The following ADGRL3 variants were observed in gnomAD, a reference collection of about 807,000 sequenced individuals.
ADGRL3 encodes the protein calcium-independent alpha-latrotoxin receptor 3.
Under a neutral mutation model 153.5 loss-of-function variants are expected in ADGRL3, and 62 were observed. That is an observed-to-expected ratio of 0.40 (90% confidence interval 0.33 to 0.50). The LOEUF (loss-of-function observed/expected upper bound fraction) is 0.50, where lower values mean the gene tolerates loss of function less well. ADGRL3 is among the 20% of genes least tolerant of loss of function. The pLI is 0.47. For synonymous variants in ADGRL3, 710 were observed against 672.5 expected, an observed-to-expected ratio of 1.06 and a Z score of -0.86; for missense variants, 1,641 against 1,859.4, an observed-to-expected ratio of 0.88 and a Z score of 2.16.
chr4:61,664,626 G>A (rs1379226382), intron 5 of ADGRL3, among the ~76,000 whole-genome samples: 12 of 151,958 alleles, frequency 7.9e-5, no homozygotes, highest in Non-Finnish European at 1.8e-4. Flanking sequence ...ACATAGTGGG[G>A]ATTCATTTTA....
At chr4:61,953,396 C>G (rs141922650) in intron 17 of ADGRL3, among the ~76,000 whole-genome samples, 1 of 152,196 alleles carries the variant, frequency 6.6e-6, no homozygotes, top group Non-Finnish European at 1.5e-5. Context: ...TCCCAATGCA[C>G]TGAATTGCTT....
intron 4 of ADGRL3, among the ~76,000 whole-genome samples, chr4:61,541,346 ATTTTTTTTTT>A (rs3075146): frequency 9.7e-6 from 1 of 103,338 alleles, no homozygotes; most frequent in Non-Finnish European, 1.8e-5. Flanking sequence ...TCTGGTAGAG[ATTTTTTTTTT>A]TTTTTTTTTT....
chr4:61,432,655 T>TTTCTTTCTC (rs1553928415), intron 2 of ADGRL3, among the ~76,000 whole-genome samples: 4 of 58,744 alleles, frequency 6.8e-5, no homozygotes, highest in Non-Finnish European at 1.4e-4. Flanking sequence ...TCTTTCTTTC[T>TTTCTTTCTC]TTTTTTTTTT....
chr4:61,749,174 C>A (rs1485914270), intron 8 of ADGRL3, among the ~76,000 whole-genome samples: 1 of 152,010 alleles, frequency 6.6e-6, no homozygotes, highest in African/African-American at 2.4e-5. Flanking sequence ...CATCTCACAC[C>A]AGTTAGAATG....
At chr4:61,935,455 A>T (rs2098834563) in intron 14 of ADGRL3, among the ~76,000 whole-genome samples, 1 of 152,142 alleles carries the variant, frequency 6.6e-6, no homozygotes, top group African/African-American at 2.4e-5. Context: ...TAATCTTGTT[A>T]TTTGGCTTAT....
At chr4:61,744,896 T>C (rs1303415750) in intron 8 of ADGRL3, among the ~76,000 whole-genome samples, 1 of 152,096 alleles carries the variant, frequency 6.6e-6, no homozygotes, top group East Asian at 1.9e-4. Flanking sequence ...AGAAGAAGCC[T>C]TCAGACGATC....
At position 62,010,051 on chromosome 4, in the gene ADGRL3, C is replaced by G. The variant is rs144062409; in HGVS notation, c.3395+11786C>G. Among the ~76,000 whole-genome samples, 344 of 152,170 alleles carry G rather than the reference C, an allele frequency of 2.3e-3. 3 individuals are homozygous for G. The highest frequency in any genetic ancestry group is 7.9e-3 in the African/African-American group (326 of 41,494). On this transcript the variant is annotated intron_variant, in intron 21 of 26. Transcript: ENST00000683033. ...TTCATGCCCTCTCCAGGAAGCCACC[C>G]TCCCACACATGTAGATGTTTTCACC...
At chr4:61,263,201 T>C (rs1454377175) in intron 1 of ADGRL3, among the ~76,000 whole-genome samples, 1 of 152,048 alleles carries the variant, frequency 6.6e-6, no homozygotes, top group Admixed American at 6.6e-5. Context: ...CCTGAATATA[T>C]ATCATTTTAT....
At chr4:61,957,017 G>A (rs899111462) in intron 17 of ADGRL3, among the ~76,000 whole-genome samples, 9 of 151,996 alleles carry the variant, frequency 5.9e-5, no homozygotes, top group African/African-American at 1.4e-4. Context: ...TTGGCTATAC[G>A]GGGTCTTCTT....
intron 9 of ADGRL3, among the ~76,000 whole-genome samples, chr4:61,869,936 T>A (rs1581225606): frequency 9.5e-5 from 1 of 10,500 alleles, no homozygotes; most frequent in African/African-American, 2.3e-4. Flanking sequence ...AAAACTTTGT[T>A]AAAAAAAAAA....
chr4:61,689,981 A>C (rs2095510125), intron 6 of ADGRL3, among the ~76,000 whole-genome samples: 1 of 152,148 alleles, frequency 6.6e-6, no homozygotes, highest in South Asian at 2.1e-4. Context: ...TGTTCACTAC[A>C]CACTTTTATG....
intron 1 of ADGRL3, among the ~76,000 whole-genome samples, chr4:61,314,302 T>G (rs765810863): frequency 3.3e-5 from 5 of 151,544 alleles, no homozygotes; most frequent in Non-Finnish European, 7.4e-5. Flanking sequence ...CTCCGCCTCC[T>G]GGGTTCAAGC....
chr4:61,726,216 T>TTTTTTTTTTTTTTTTTTTTTTTTTTTTTG (rs1384390790), intron 6 of ADGRL3, among the ~76,000 whole-genome samples: 1 of 148,840 alleles, frequency 6.7e-6, no homozygotes. Flanking sequence ...TTTTGTTTTT[T>TTTTTTTTTTTTTTTTTTTTTTTTTTTTTG]GAGAAGGAGT....
intron 17 of ADGRL3, among the ~76,000 whole-genome samples, chr4:61,962,902 C>G (rs969337019): frequency 1.3e-5 from 2 of 152,110 alleles, no homozygotes; most frequent in African/African-American, 4.8e-5. Context: ...GCAAAGCTTA[C>G]AGTTTATTTA....
chr4:61,704,229 T>C (rs1030228635), intron 6 of ADGRL3, among the ~76,000 whole-genome samples: 19 of 152,140 alleles, frequency 1.2e-4, no homozygotes, highest in African/African-American at 3.9e-4. Flanking sequence ...AGTAAGTAAA[T>C]ATTTCCATAT....
intron 6 of ADGRL3, among the ~76,000 whole-genome samples, chr4:61,695,631 CT>C (rs968573027): frequency 3.0e-4 from 46 of 152,132 alleles, no homozygotes; most frequent in African/African-American, 1.0e-3. Flanking sequence ...GTATTGGCCC[CT>C]AATAAGAGAC....
At chr4:61,939,882 G>A (rs1268463921) in intron 15 of ADGRL3, among the ~76,000 whole-genome samples, 3 of 151,564 alleles carry the variant, frequency 2.0e-5, no homozygotes, top group East Asian at 1.9e-4. Context: ...GATGTTCCAC[G>A]TATCAATAGT....
intron 21 of ADGRL3, among the ~76,000 whole-genome samples, chr4:62,005,999 C>CATAT (rs1276087983): frequency 4.1e-4 from 34 of 82,572 alleles, no homozygotes; most frequent in African/African-American, 5.8e-4. Context: ...CACACACACA[C>CATAT]ACACATATAT....
At chr4:61,760,829 G>T (rs2096903851) in intron 8 of ADGRL3, among the ~76,000 whole-genome samples, 1 of 152,092 alleles carries the variant, frequency 6.6e-6, no homozygotes, top group African/African-American at 2.4e-5. Context: ...TTGAGACAGG[G>T]AAATTGCAAC....
Sources: allele counts gnomAD v4.1 joint callset (sites outside exome capture counted in the v4.1 genomes callset), GRCh38; gene constraint gnomAD v4.1.1; transcripts MANE v1.5; gene names NCBI Gene and HGNC (gene_info 2026-07-23, HGNC 2026-07-21).